The following CD5L variants were observed in gnomAD, a reference collection of about 807,000 sequenced individuals.
CD5L encodes CD5 antigen-like.
A neutral mutation model predicts 40.8 loss-of-function variants in CD5L; 39 were observed. The observed-to-expected ratio is 0.96, with a 90% CI of 0.74 to 1.25. The LOEUF (loss-of-function observed/expected upper bound fraction) is 1.25, where lower values mean the gene tolerates loss of function less well. Among genes scored for constraint, CD5L ranks in the 50% most tolerant of loss-of-function variants. The probability of loss-of-function intolerance (pLI) is 0.00; values close to 1 mark genes in which losing one functional copy is unlikely to be tolerated. For synonymous variants in CD5L, 192 were observed against 169.6 expected (o/e 1.13, Z -1.03); for missense variants, 433 against 435.9 (o/e 0.99, Z 0.06).
chr1:157,827,814 C>T (rs775202910), downstream of CD5L, among the ~76,000 whole-genome samples: 2 of 152,160 alleles, frequency 1.3e-5, no homozygotes, highest in East Asian at 1.9e-4. Flanking sequence ...AGAAAAATAA[C>T]TAAGACAGAG....
downstream of CD5L, among the ~76,000 whole-genome samples, chr1:157,829,800 A>T (rs535446139): frequency 6.6e-6 from 1 of 152,312 alleles, no homozygotes; most frequent in African/African-American, 2.4e-5. Context: ...ATTATTATGT[A>T]CCATACAGCA....
rs1047318593 is a variant in CD5L, at chr1:157,834,355, C to A, written c.718+52G>T. On this transcript the variant is annotated intron_variant, in intron 4 of 5. Coordinates refer to ENST00000368174, the MANE Select transcript of CD5L (RefSeq NM_005894.3). ...TTGTAAATACTGTTTGAATGAGATT[C>A]CACATAATTAAATCCATGAATAAAC... The A allele has an allele frequency of 8.4e-6, 12 of 1,434,824 alleles. No homozygotes were observed. In the South Asian group the frequency reaches 1.6e-4, roughly 19 times the overall value. 88.9% of individuals were successfully genotyped at this position (1,434,824 alleles called of 1,614,324 possible). A position where few individuals can be genotyped will look rare whatever the true frequency, so the allele number is the denominator to read the frequency against.
In CD5L at chr1:157,833,272, T is replaced by G; in HGVS notation, c.959A>C (p.Gln320Pro). 6.2e-7 allele frequency: 1 copy of G among 1,614,190 alleles called. No individual in the cohort carries two copies. The highest frequency in any genetic ancestry group is 8.5e-7 in the Non-Finnish European group (1 of 1,180,008). The change falls in exon 5 of 6, where the codon CAG becomes CCG. Residue 320 changes from glutamine (Q) to proline (P), a missense_variant. Transcript: ENST00000368174. ...TCTGTGCTGGCACTGCTCCAGGGAC[T>G]GCTCCTCCCCTGAGCAACGAACATT... ...LDNVRCSGEEQSLEQCQHRFW... is the reference protein window; with the variant it reads ...LDNVRCSGEEPSLEQCQHRFW...
rs367600244 is a variant in CD5L, at chr1:157,834,754, G to A, written c.377-6C>T. On this transcript the variant is annotated splice_polypyrimidine_tract_variant and splice_region_variant and intron_variant, in intron 3 of 5. Transcript: ENST00000368174. ...GGAGAAAGAGCTCTCTGGGTCTGAG[G>A]GGAAAGAAAGAGAGCGTGTCTGTTC... The A allele has an allele frequency of 2.5e-6, 4 of 1,607,944 alleles. No homozygotes were observed. The highest frequency in any genetic ancestry group is 3.4e-6 in the Non-Finnish European group (4 of 1,174,988).
In CD5L at chr1:157,836,810, A is replaced by G. The variant is rs140814343; in HGVS notation, c.56-655T>C. Reference sequence around the variant, plus strand: ...GCCCATCTCAGGAGAAATACAGAGCATAGGGAAAGGGAAGAGTCAGAGTCT... The same window carrying G: ...GCCCATCTCAGGAGAAATACAGAGCGTAGGGAAAGGGAAGAGTCAGAGTCT... On this transcript the variant is annotated intron_variant, in intron 2 of 5. Coordinates refer to ENST00000368174, the MANE Select transcript of CD5L (RefSeq NM_005894.3). Among the ~76,000 whole-genome samples the G allele has an allele frequency of 4.5e-3, 683 of 152,330 alleles. 14 individuals carry two copies. The highest frequency in any genetic ancestry group is 0.042 in the East Asian group (218 of 5,186).
chr1:157,835,169 G>A (rs1202563621), intron 3 of CD5L, among the ~76,000 whole-genome samples: 1 of 152,196 alleles, frequency 6.6e-6, no homozygotes. Context: ...AAATAGGACT[G>A]AGTCTTCAAT....
intron 2 of CD5L, 46 bp from the exon 3 acceptor site, chr1:157,836,201 A>C: frequency 5.3e-6 from 8 of 1,514,622 alleles, no homozygotes; most frequent in Non-Finnish European, 7.2e-6. Context: ...AGGAGCTCAG[A>C]GGGTCCTTAG....
At chr1:157,830,664 G>A (rs1277077475), downstream of CD5L, among the ~76,000 whole-genome samples, 2 of 152,228 alleles carry the variant, frequency 1.3e-5, no homozygotes, top group Admixed American at 6.5e-5. Flanking sequence ...AGAAAGGCAT[G>A]GCATTAGAGT....
chr1:157,838,008 C>G (rs760813504), intron 2 of CD5L, among the ~76,000 whole-genome samples: 17 of 152,048 alleles, frequency 1.1e-4, no homozygotes, highest in Non-Finnish European at 2.4e-4. Context: ...AATCTCCTGA[C>G]CTCGTGACCT....
At chr1:157,839,259 GGAAGCCA>G (rs1656298591) in intron 2 of CD5L, 118 bp downstream of exon 2, 8 of 899,982 alleles carry the variant, frequency 8.9e-6, no homozygotes, top group Non-Finnish European at 1.3e-5. Flanking sequence ...GGGTGAGGTA[GGAAGCCA>G]GAAAGGAAGT....
chr1:157,837,411 C>T (rs1179679692), intron 2 of CD5L, among the ~76,000 whole-genome samples: 1 of 152,170 alleles, frequency 6.6e-6, no homozygotes, highest in Non-Finnish European at 1.5e-5. Context: ...GTGATGAGTT[C>T]TGCCCTCAAG....
At chr1:157,832,803 T>G (rs1656083345) in intron 5 of CD5L, among the ~76,000 whole-genome samples, 1 of 152,178 alleles carries the variant, frequency 6.6e-6, no homozygotes, top group Admixed American at 6.5e-5. Flanking sequence ...TTTATTATGG[T>G]TCTGCTATAT....
At position 157,836,300 on chromosome 1, in the gene CD5L, A is replaced by G. The variant is rs944000020; in HGVS notation, c.56-145T>C. ...GAAATAAGGGATCAGAAGAAAAGGG[A>G]AGGAAGAGGAGCTTCAGAACTCCGT... On this transcript the variant is annotated intron_variant, in intron 2 of 5. Transcript: ENST00000368174. 7 of 671,626 alleles carry G rather than the reference A, an allele frequency of 1.0e-5. No individual in the cohort carries two copies. The African/African-American group carries it at 1.3e-4, about 12-fold the overall frequency. 41.6% of individuals were successfully genotyped at this position (671,626 alleles called of 1,614,324 possible).
intron 1 of CD5L, among the ~76,000 whole-genome samples, chr1:157,841,094 G>A (rs917519094): frequency 5.9e-5 from 9 of 152,120 alleles, no homozygotes; most frequent in Non-Finnish European, 1.0e-4. Context: ...TCATAGATGA[G>A]AGAGCAAAAT....
chr1:157,836,011 C>T lies in CD5L; in HGVS notation c.200G>A (p.Cys67Tyr). The part of the protein sequence containing the change: ...DVAVLCRELG[C>Y]GAASGTPSGI... ...ACTAGGGGTTCCGCTGGCAGCTCCACAGCCCAGCTCCCGGCACAACACAGC... is the reference window on the plus strand; with the variant it reads ...ACTAGGGGTTCCGCTGGCAGCTCCATAGCCCAGCTCCCGGCACAACACAGC... Residue 67 changes from cysteine (C) to tyrosine (Y), a missense_variant, in exon 3 of 6, where the codon TGT (cysteine) becomes TAT (tyrosine). Transcript: ENST00000368174. The T allele has an allele frequency of 6.2e-7, 1 of 1,614,186 alleles. No homozygotes were observed. Among genetic ancestry groups the T allele is most frequent in the Non-Finnish European group, 8.5e-7 (1 of 1,180,044 alleles).
Position 157,835,895 on chromosome 1 carries a change from A to G in CD5L, c.316T>C (p.Cys106Arg). 1 of 1,614,152 alleles carries G rather than the reference A, an allele frequency of 6.2e-7. No individual in the cohort carries two copies. ...CAATCATAAACTTCTTCTTGCTCAC[A>G]CTGAGCCAATGTATCTTCTGTTCCT... ...CTGTEDTLAQ[C>R]EQEEVYDCSH... Residue 106 changes from cysteine (C) to arginine (R), a missense_variant, in exon 3 of 6, where the codon TGT (cysteine) becomes CGT (arginine). Coordinates refer to ENST00000368174, the MANE Select transcript of CD5L (RefSeq NM_005894.3).
At chr1:157,832,810 A>G (rs1382150231) in intron 5 of CD5L, among the ~76,000 whole-genome samples, 2 of 152,200 alleles carry the variant, frequency 1.3e-5, no homozygotes, top group Non-Finnish European at 2.9e-5. Context: ...TGGTTCTGCT[A>G]TATGATTTGA....
rs1656140008 is a variant in CD5L at position 157,834,487 on chromosome 1, G to T, written c.638C>A (p.Ala213Glu). 1 of 1,614,078 alleles carries T rather than the reference G, an allele frequency of 6.2e-7. No individual in the cohort carries two copies. The highest frequency in any genetic ancestry group is 8.5e-7 in the Non-Finnish European group (1 of 1,180,052). ...CCCAGAAGGGCAATCCTGAAGGGTT[G>T]CTTCTCGTCCTGAGCATGACATCTG... The part of the protein sequence containing the change: ...LSQMSCSGRE[A>E]TLQDCPSGPW... Residue 213 changes from alanine to glutamate, a missense_variant, in exon 4 of 6, where the codon GCA becomes GAA. Physicochemically the swap from Ala to Glu is moderately radical, Grantham distance 107 (BLOSUM62 -1). Transcript: ENST00000368174.
intron 1 of CD5L, among the ~76,000 whole-genome samples, chr1:157,839,932 T>C (rs756012287): frequency 1.3e-5 from 2 of 152,192 alleles, no homozygotes; most frequent in Non-Finnish European, 2.9e-5. Flanking sequence ...TTCAGTTTTG[T>C]GGGCCATACA....
Sources: gnomAD v4.1 joint callset for allele counts (sites outside exome capture counted in the v4.1 genomes callset) on GRCh38, gnomAD v4.1.1 for gene constraint, MANE v1.5 for transcripts, NCBI Gene and HGNC (gene_info 2026-07-23, HGNC 2026-07-21) for gene names.